ASIC2: variants seen among roughly 807,000 people sequenced by gnomAD.
ASIC2 encodes acid-sensing ion channel 2.
ASIC2 carries 25 observed loss-of-function variants against 57.3 expected under a neutral mutation model. The ratio of observed to expected loss-of-function variants is 0.44; its 90% CI spans 0.32 to 0.61. The LOEUF is 0.61. Among genes scored for constraint, ASIC2 ranks in the 20% least tolerant of loss-of-function variants. The probability of loss-of-function intolerance (pLI) is 0.06; values close to 1 mark genes in which losing one functional copy is unlikely to be tolerated. For missense variants in ASIC2, 641 were observed against 738.1 expected, an observed-to-expected ratio of 0.87 and a Z score of 1.52; for synonymous variants, 319 against 307.5, an observed-to-expected ratio of 1.04 and a Z score of -0.39.
intron 1 of ASIC2, among the ~76,000 whole-genome samples, chr17:33,141,140 G>A (rs552221536): frequency 6.6e-6 from 1 of 152,318 alleles, no homozygotes; most frequent in South Asian, 2.1e-4. Context: ...TCTTATGGCA[G>A]CCATCAGATT....
intron 1 of ASIC2, among the ~76,000 whole-genome samples, chr17:33,348,197 C>T (rs569777357): frequency 2.0e-5 from 3 of 152,062 alleles, no homozygotes; most frequent in South Asian, 4.2e-4. Flanking sequence ...ATTTAGCAGT[C>T]GCTGTGAATG....
chr17:33,142,275 A>G (rs998838320), intron 1 of ASIC2, among the ~76,000 whole-genome samples: 1 of 152,226 alleles, frequency 6.6e-6, no homozygotes, highest in Non-Finnish European at 1.5e-5. Flanking sequence ...TGTTTGAGAC[A>G]CCCAGCTCAT....
At chr17:33,153,028 C>T (rs968599413) in intron 1 of ASIC2, among the ~76,000 whole-genome samples, 3 of 152,178 alleles carry the variant, frequency 2.0e-5, no homozygotes, top group Admixed American at 2.0e-4. Context: ...CCAGGAGGCC[C>T]CTTCCTGGCT....
At chr17:33,574,115 TG>T (rs1246093499) in intron 1 of ASIC2, among the ~76,000 whole-genome samples, 1 of 152,246 alleles carries the variant, frequency 6.6e-6, no homozygotes, top group East Asian at 1.9e-4. Context: ...GGTGTATCTT[TG>T]ACTTAACTAA....
At chr17:33,019,181 ATATGCCAGGG>A (rs2091823404) in intron 7 of ASIC2, among the ~76,000 whole-genome samples, 1 of 151,978 alleles carries the variant, frequency 6.6e-6, no homozygotes, top group Non-Finnish European at 1.5e-5. Flanking sequence ...AGTGTGGGGT[ATATGCCAGGG>A]TCTGGGGTGT....
At chr17:33,246,777 A>G (rs1052773903) in intron 1 of ASIC2, among the ~76,000 whole-genome samples, 2 of 152,194 alleles carry the variant, frequency 1.3e-5, no homozygotes, top group Non-Finnish European at 2.9e-5. Flanking sequence ...CATAATCCCA[A>G]TTTCAGGGAG....
intron 1 of ASIC2, among the ~76,000 whole-genome samples, chr17:33,375,009 G>T (rs747796275): frequency 6.5e-4 from 99 of 152,270 alleles, no homozygotes; most frequent in Non-Finnish European, 1.2e-3. Flanking sequence ...CTGAGCCCAA[G>T]AATCTATTTT....
intron 1 of ASIC2, among the ~76,000 whole-genome samples, chr17:33,457,266 A>G (rs917657298): frequency 1.3e-5 from 2 of 151,022 alleles, no homozygotes; most frequent in African/African-American, 2.4e-5. Context: ...TTTTTACAAA[A>G]GATGAATGTA....
At chr17:33,228,267 CTG>C (rs1187747251) in intron 1 of ASIC2, among the ~76,000 whole-genome samples, 2 of 152,144 alleles carry the variant, frequency 1.3e-5, no homozygotes, top group Non-Finnish European at 2.9e-5. Flanking sequence ...TTGCAGAACA[CTG>C]TGAATATACT....
rs1905981498 is a variant in ASIC2, at chr17:33,626,296, A to C, written c.556-514229T>G. 2.6e-5 allele frequency among the ~76,000 whole-genome samples: 4 copies of C among 152,176 alleles called. No homozygotes were observed. The East Asian group carries it at 7.7e-4, about 29-fold the overall frequency. On this transcript the variant is annotated intron_variant, in intron 1 of 9. Transcript: ENST00000359872. ...CAAAGATGTGAGTCCTTTTTCCTTT[A>C]AGCCATGGTTCTTAAGCTTTAATTA...
intron 9 of ASIC2, 79 bp from the exon 10 acceptor site, chr17:33,014,145 G>T: frequency 8.5e-7 from 1 of 1,170,442 alleles, no homozygotes. Context: ...CCCAGCCTAG[G>T]CCCTGGGGAA....
At chr17:34,031,282 C>T (rs1238995766) in intron 1 of ASIC2, among the ~76,000 whole-genome samples, 2 of 152,202 alleles carry the variant, frequency 1.3e-5, no homozygotes. Flanking sequence ...CAAACTCCAA[C>T]AGACCTGCAG....
chr17:33,111,992 C>G lies in ASIC2; in HGVS notation c.784G>C (p.Gly262Arg), dbSNP rs751735036. ...ATCTCCAGCCCGTTGCCTGTCCCCC[C>G]CTTGACCGTGGTGAGCAGAGGTTTG... ...DGKPLLTTVK[G>R]GTGNGLEIML... Residue 262 changes from glycine (G) to arginine (R), a missense_variant, in exon 2 of 10, where the codon GGG becomes CGG. By Grantham distance (125) the Gly-to-Arg change is moderately radical. Coordinates refer to ENST00000225823, the MANE Select transcript of ASIC2 (RefSeq NM_183377.2). 1.1e-5 allele frequency: 18 copies of G among 1,613,962 alleles called. No individual in the cohort carries two copies. In the Admixed American group the frequency reaches 1.3e-4, roughly 12 times the overall value.
At chr17:33,123,455 CAG>C (rs761729130) in intron 1 of ASIC2, among the ~76,000 whole-genome samples, 1 of 152,136 alleles carries the variant, frequency 6.6e-6, no homozygotes, top group Non-Finnish European at 1.5e-5. Context: ...AAATTGAACT[CAG>C]AGATAGTAGA....
intron 1 of ASIC2, among the ~76,000 whole-genome samples, chr17:33,681,158 A>T (rs1456509642): frequency 6.6e-6 from 1 of 152,200 alleles, no homozygotes; most frequent in African/African-American, 2.4e-5. Flanking sequence ...GTTGTCATGC[A>T]CACCTCAGAA....
chr17:33,362,953 G>A (rs992255758), intron 1 of ASIC2, among the ~76,000 whole-genome samples: 3 of 152,218 alleles, frequency 2.0e-5, no homozygotes, highest in Non-Finnish European at 4.4e-5. Flanking sequence ...AAAACTATAT[G>A]TGTGTAAATT....
In ASIC2 at chr17:33,760,417, C is replaced by G. The variant is rs528248680; in HGVS notation, c.555+395561G>C. ...TCATCTTTGATGTTTTGCTGACTTTCAGACCTATACAAATCATAGCCAGAT... is the reference window on the plus strand; with the variant it reads ...TCATCTTTGATGTTTTGCTGACTTTGAGACCTATACAAATCATAGCCAGAT... On this transcript the variant is annotated intron_variant, in intron 1 of 9. Coordinates refer to the ASIC2 transcript ENST00000359872. Among the ~76,000 whole-genome samples, 27 of 152,088 alleles carry G rather than the reference C, an allele frequency of 1.8e-4. 1 individual carries two copies. The South Asian group carries it at 4.8e-3, about 27-fold the overall frequency.
chr17:34,019,611 C>T lies in ASIC2; in HGVS notation c.555+136367G>A, dbSNP rs142039545. Among the ~76,000 whole-genome samples, 459 of 152,262 alleles carry T rather than the reference C, an allele frequency of 3.0e-3. 7 individuals are homozygous for T. Among genetic ancestry groups the T allele is most frequent in the Admixed American group, 0.025 (378 of 15,282 alleles). Reference sequence around the variant, plus strand: ...TTAGCAATGAAGTATTTCTAATTAACGTATAAACATTGTTTTATTTAGAAG... The same window carrying T: ...TTAGCAATGAAGTATTTCTAATTAATGTATAAACATTGTTTTATTTAGAAG... On this transcript the variant is annotated intron_variant, in intron 1 of 9. Coordinates refer to the ASIC2 transcript ENST00000359872.
At chr17:33,322,215 G>A (rs970979702) in intron 1 of ASIC2, among the ~76,000 whole-genome samples, 1 of 152,194 alleles carries the variant, frequency 6.6e-6, no homozygotes, top group Admixed American at 6.5e-5. Flanking sequence ...GACTGAGGCA[G>A]GCTGAAAGTG....
Sources: gnomAD v4.1 joint callset for allele counts (sites outside exome capture counted in the v4.1 genomes callset) on GRCh38, gnomAD v4.1.1 for gene constraint, MANE v1.5 for transcripts, NCBI Gene and HGNC (gene_info 2026-07-23, HGNC 2026-07-21) for gene names.